Variants in CDH12 observed in about 807,000 individuals in gnomAD.
The protein encoded by CDH12 is cadherin-12.
In CDH12, 41 loss-of-function variants were observed where a neutral mutation model predicts 74.1. The ratio of observed to expected loss-of-function variants is 0.55; its 90% CI spans 0.43 to 0.72. The LOEUF (loss-of-function observed/expected upper bound fraction) is 0.72. CDH12 is among the 30% of genes least tolerant of loss of function. The probability of loss-of-function intolerance (pLI) is 0.00; values close to 1 mark genes in which losing one functional copy is unlikely to be tolerated. For missense variants in CDH12, 945 were observed against 977.2 expected (o/e 0.97, Z 0.44); for synonymous variants, 399 against 355.0 (o/e 1.12, Z -1.39).
intron 9 of CDH12, among the ~76,000 whole-genome samples, chr5:21,814,770 T>G (rs1415629142): frequency 2.0e-5 from 3 of 150,978 alleles, no homozygotes; most frequent in Non-Finnish European, 1.5e-5. Flanking sequence ...CTTCTTAATT[T>G]AAAATATTTT....
chr5:22,031,826 C>T (rs1277782533), intron 5 of CDH12, among the ~76,000 whole-genome samples: 1 of 152,012 alleles, frequency 6.6e-6, no homozygotes, highest in Non-Finnish European at 1.5e-5. Flanking sequence ...CAAAACAATT[C>T]CAACAGTAAT....
At chr5:22,665,650 C>A (rs7708605) in intron 1 of CDH12, among the ~76,000 whole-genome samples, 79,786 of 151,954 alleles carry the variant, frequency 0.53, 21,663 homozygotes, top group Non-Finnish European at 0.59. Context: ...CGGCCTCCAT[C>A]CCACTGATAA....
At chr5:22,488,918 T>C (rs193134472) in intron 2 of CDH12, among the ~76,000 whole-genome samples, 1 of 152,066 alleles carries the variant, frequency 6.6e-6, no homozygotes, top group Admixed American at 6.6e-5. Context: ...GAATGAAAAC[T>C]TCTTCCTTAA....
intron 3 of CDH12, among the ~76,000 whole-genome samples, chr5:22,289,686 T>C (rs1186553351): frequency 1.3e-5 from 2 of 152,036 alleles, no homozygotes; most frequent in African/African-American, 4.8e-5. Flanking sequence ...AGGAAGAATA[T>C]TCTTAGATTA....
chr5:21,827,485 G>T (rs574451171), intron 8 of CDH12, among the ~76,000 whole-genome samples: 1 of 152,060 alleles, frequency 6.6e-6, no homozygotes, highest in Non-Finnish European at 1.5e-5. Context: ...AGAAAGAAAA[G>T]AAAACTTATT....
intron 3 of CDH12, among the ~76,000 whole-genome samples, chr5:22,394,730 A>AT (rs1443930301): frequency 6.6e-6 from 1 of 152,120 alleles, no homozygotes; most frequent in Non-Finnish European, 1.5e-5. Flanking sequence ...CCACCATTAT[A>AT]TTTTTAAGGC....
chr5:22,118,748 T>C (rs1279341837), intron 4 of CDH12, among the ~76,000 whole-genome samples: 1 of 152,144 alleles, frequency 6.6e-6, no homozygotes, highest in Non-Finnish European at 1.5e-5. Flanking sequence ...ATTTACTTTG[T>C]TTGGTTCTCT....
chr5:22,723,889 C>G (rs944097121), intron 1 of CDH12, among the ~76,000 whole-genome samples: 6 of 151,932 alleles, frequency 3.9e-5, no homozygotes, highest in Non-Finnish European at 8.8e-5. Flanking sequence ...ACACTCAGCT[C>G]ATAGGGTTAT....
intron 6 of CDH12, among the ~76,000 whole-genome samples, chr5:21,873,737 A>G (rs184939562): frequency 1.2e-4 from 19 of 152,240 alleles, no homozygotes; most frequent in African/African-American, 4.3e-4. Context: ...CCTATCACCT[A>G]GGTATTTAGC....
chr5:22,756,952 C>A (rs1374042665), intron 1 of CDH12, among the ~76,000 whole-genome samples: 6 of 124,154 alleles, frequency 4.8e-5, no homozygotes, highest in Admixed American at 3.3e-4. Flanking sequence ...GAGAAAGACT[C>A]CGTCTCAAAA....
intron 1 of CDH12, among the ~76,000 whole-genome samples, chr5:22,843,418 C>G (rs188644977): frequency 1.3e-5 from 2 of 152,158 alleles, no homozygotes; most frequent in East Asian, 3.9e-4. Flanking sequence ...TGGTTGTCAT[C>G]TCTACACTGT....
At chr5:21,981,620 C>A (rs1757310649) in intron 5 of CDH12, among the ~76,000 whole-genome samples, 1 of 152,140 alleles carries the variant, frequency 6.6e-6, no homozygotes, top group African/African-American at 2.4e-5. Context: ...TTCTCCCCGT[C>A]CCCCACCAGC....
intron 10 of CDH12, among the ~76,000 whole-genome samples, chr5:21,798,274 TG>T (rs1746906734): frequency 6.6e-6 from 1 of 151,910 alleles, no homozygotes; most frequent in Non-Finnish European, 1.5e-5. Flanking sequence ...TGTGTGTGTG[TG>T]TGTGTGTCTG....
chr5:22,845,259 TA>T (rs1737249717), intron 1 of CDH12, among the ~76,000 whole-genome samples: 1 of 152,154 alleles, frequency 6.6e-6, no homozygotes, highest in African/African-American at 2.4e-5. Context: ...CTAACACTAA[TA>T]ACATCACCAG....
chr5:22,707,423 A>G (rs1743070938), intron 1 of CDH12, among the ~76,000 whole-genome samples: 1 of 152,126 alleles, frequency 6.6e-6, no homozygotes, highest in South Asian at 2.1e-4. Context: ...CTGTCCTTTA[A>G]TGTCATGTTT....
At chr5:22,816,756 T>A (rs979911497) in intron 1 of CDH12, among the ~76,000 whole-genome samples, 8 of 152,160 alleles carry the variant, frequency 5.3e-5, no homozygotes, top group Non-Finnish European at 1.2e-4. Context: ...TTTGGTCCAA[T>A]CTAACCCACA....
At chr5:22,134,500 G>A (rs1321429892) in intron 4 of CDH12, among the ~76,000 whole-genome samples, 4 of 151,252 alleles carry the variant, frequency 2.6e-5, no homozygotes, top group African/African-American at 9.7e-5. Context: ...TGCGTGGGTG[G>A]TGACATTGAA....
intron 6 of CDH12, among the ~76,000 whole-genome samples, chr5:21,915,675 G>A (rs1299163687): frequency 6.6e-6 from 1 of 152,136 alleles, no homozygotes; most frequent in Non-Finnish European, 1.5e-5. Context: ...AACCAGTGGA[G>A]GGGCACACCC....
intron 8 of CDH12, among the ~76,000 whole-genome samples, chr5:21,826,432 A>T (rs746863079): frequency 6.6e-6 from 1 of 152,098 alleles, no homozygotes; most frequent in Non-Finnish European, 1.5e-5. Flanking sequence ...TCCTAAAATC[A>T]CTCAAATCTG....
Sources: gnomAD v4.1 joint callset for allele counts (sites outside exome capture counted in the v4.1 genomes callset) on GRCh38, gnomAD v4.1.1 for gene constraint, MANE v1.5 for transcripts, NCBI Gene and HGNC (gene_info 2026-07-23, HGNC 2026-07-21) for gene names.